F13B: variants seen among roughly 807,000 people sequenced by gnomAD.
The protein encoded by F13B is TGase.
In F13B, 58 loss-of-function variants were observed where a neutral mutation model predicts 79.8. The ratio of observed to expected loss-of-function variants is 0.73; its 90% CI spans 0.59 to 0.90. The LOEUF (loss-of-function observed/expected upper bound fraction) is 0.90. Among genes scored for constraint, F13B ranks in the 40% least tolerant of loss-of-function variants. The pLI is 0.00. For synonymous variants in F13B, 283 were observed against 260.3 expected, an observed-to-expected ratio of 1.09 and a Z score of -0.84; for missense variants, 773 against 777.0, an observed-to-expected ratio of 0.99 and a Z score of 0.06.
Position 197,055,887 on chromosome 1 carries a change from C to G in F13B, c.1182G>C (p.Glu394Asp). 1 of 1,613,230 alleles carries G rather than the reference C, an allele frequency of 6.2e-7. No homozygotes were observed. Among genetic ancestry groups the G allele is most frequent in the Non-Finnish European group, 8.5e-7 (1 of 1,179,516 alleles). Residue 394 changes from glutamate to aspartate, a missense_variant, in exon 8 of 12, where the codon GAG becomes GAC. By Grantham distance (45) the Glu-to-Asp change is conservative. Transcript: ENST00000367412. Reference protein sequence around the residue: ...TLPPECVENNENCKHPPVVMN... With the variant: ...TLPPECVENNDNCKHPPVVMN... ...TTACAACAGGAGGATGCTTACAATT[C>G]TCATTATTTTCTAAGAAAAGAGGTT...
At chr1:197,040,762 A>G in intron 10 of F13B, 27 bp from the exon 11 acceptor site, 1 of 1,545,144 alleles carries the variant, frequency 6.5e-7, no homozygotes, top group Non-Finnish European at 8.9e-7. Flanking sequence ...AAAAAAAAAG[A>G]AAGAAAAAGA....
intron 8 of F13B, 126 bp downstream of exon 8, chr1:197,055,589 A>G: frequency 9.9e-7 from 1 of 1,007,668 alleles, no homozygotes. Flanking sequence ...TTCTACTTAA[A>G]GAAATGAGAG....
intron 8 of F13B, among the ~76,000 whole-genome samples, chr1:197,054,608 G>GA (rs35523548): frequency 4.6e-5 from 7 of 151,632 alleles, no homozygotes; most frequent in African/African-American, 1.7e-4. Flanking sequence ...TTATAAGTAT[G>GA]AAAAAATGGC....
intron 4 of F13B, 84 bp downstream of exon 4, chr1:197,060,815 A>G: frequency 7.8e-7 from 1 of 1,274,284 alleles, no homozygotes; most frequent in South Asian, 1.2e-5. Flanking sequence ...GGTGAAACAT[A>G]ATGAGCATGA....
chr1:197,050,824 A>G lies in F13B; in HGVS notation c.1611T>C (p.Ser537=), dbSNP rs113022833. 3.7e-6 allele frequency: 6 copies of G among 1,613,220 alleles called. No individual in the cohort carries two copies. The African/African-American group carries it at 5.3e-5, about 14-fold the overall frequency. The change falls in exon 10 of 12, where the codon AGT becomes AGC. Residue 537 remains serine, a synonymous_variant. Coordinates refer to ENST00000367412, the MANE Select transcript of F13B (RefSeq NM_001994.3). The part of the protein sequence containing the change: ...PPLIKHGVII[S]STVDTYENGS... ...CATTTTCATAGGTGTCTACTGTTGA[A>G]CTAATAATGACTCCATGTTTAATAA...
intron 9 of F13B, 102 bp downstream of exon 9, chr1:197,052,532 A>T: frequency 1.3e-6 from 1 of 758,936 alleles, no homozygotes; most frequent in Non-Finnish European, 2.1e-6. Flanking sequence ...AATTAAAAAG[A>T]ATAATAATAA....
intron 8 of F13B, among the ~76,000 whole-genome samples, chr1:197,054,423 G>A (rs1484830800): frequency 1.3e-5 from 2 of 151,870 alleles, no homozygotes; most frequent in Non-Finnish European, 2.9e-5. Flanking sequence ...GAATTTGAAT[G>A]GGAATCGACT....
At chr1:197,050,526 T>C (rs1655404672) in intron 10 of F13B, among the ~76,000 whole-genome samples, 171 bp downstream of exon 10, 1 of 152,148 alleles carries the variant, frequency 6.6e-6, no homozygotes, top group African/African-American at 2.4e-5. Context: ...GAACTATAGG[T>C]ATTTATGATC....
At chr1:197,056,240 T>A (rs988144202) in intron 7 of F13B, among the ~76,000 whole-genome samples, 3 of 152,168 alleles carry the variant, frequency 2.0e-5, no homozygotes, top group Non-Finnish European at 4.4e-5. Context: ...TACCCCACTT[T>A]TATTTTCTTC....
At chr1:197,061,675 A>G (rs917475519) in intron 3 of F13B, 109 bp downstream of exon 3, 2 of 910,552 alleles carry the variant, frequency 2.2e-6, no homozygotes, top group Admixed American at 2.3e-5. Context: ...CATTGTAGAC[A>G]TAATGAAAAA....
intron 1 of F13B, among the ~76,000 whole-genome samples, chr1:197,065,886 C>G (rs983690235): frequency 6.6e-6 from 1 of 151,984 alleles, no homozygotes; most frequent in African/African-American, 2.4e-5. Flanking sequence ...TACTTGCATA[C>G]CATGAAATGA....
chr1:197,059,265 TA>T (rs748677070), intron 5 of F13B, among the ~76,000 whole-genome samples: 1 of 152,030 alleles, frequency 6.6e-6, no homozygotes, highest in East Asian at 1.9e-4. Flanking sequence ...AAAATTTGCT[TA>T]AAAAATCTAC....
In F13B at chr1:197,067,170, G is replaced by C. The variant is rs1229003526; in HGVS notation, c.54C>G (p.Leu18=). The C allele has an allele frequency of 2.5e-6, 4 of 1,590,640 alleles. No individual in the cohort carries two copies. The highest frequency in any genetic ancestry group is 2.7e-5 in the African/African-American group (2 of 74,402). The change falls in exon 1 of 12, where the codon CTC becomes CTG. Residue 18 remains leucine, a synonymous_variant. Transcript: ENST00000367412. ...AAGAATTAATTTTACCTTCTGCATAGAGTTCTCCTGAGATTATCAATATGA... is the reference window on the plus strand; with the variant it reads ...AAGAATTAATTTTACCTTCTGCATACAGTTCTCCTGAGATTATCAATATGA... ...FIIILIISGE[L]YAEEKPCGFP...
intron 7 of F13B, among the ~76,000 whole-genome samples, chr1:197,056,538 G>T (rs1255937696): frequency 1.3e-5 from 2 of 152,080 alleles, no homozygotes; most frequent in Non-Finnish European, 2.9e-5. Flanking sequence ...AAGGGCATAA[G>T]GTTCAGAATG....
Position 197,061,800 on chromosome 1 carries a change from G to T in F13B, c.435C>A (p.Thr145=), listed in dbSNP as rs1433199892. Reference sequence around the variant, plus strand: ...TTCTTATACCATGTTCTTTCCTACAGGTTGGTTGAGAAGACCATCCATCAG... The same window carrying T: ...TTCTTATACCATGTTCTTTCCTACATGTTGGTTGAGAAGACCATCCATCAG... The part of the protein sequence containing the change: ...CLSDGWSSQP[T]CRKEHETCLA... The change falls in exon 3 of 12, where the codon ACC becomes ACA. Residue 145 remains threonine (T), a synonymous_variant. Transcript: ENST00000367412. The T allele has an allele frequency of 2.2e-5, 35 of 1,612,972 alleles. No homozygotes were observed. The highest frequency in any genetic ancestry group is 3.0e-5 in the Non-Finnish European group (35 of 1,179,402).
intron 8 of F13B, among the ~76,000 whole-genome samples, chr1:197,054,082 C>A (rs1214048142): frequency 6.6e-6 from 1 of 152,068 alleles, no homozygotes. Context: ...TCAATAGTTA[C>A]CAAGATATAC....
chr1:197,065,706 A>G (rs17549533), intron 1 of F13B, among the ~76,000 whole-genome samples: 261 of 152,292 alleles, frequency 1.7e-3, no homozygotes, highest in African/African-American at 6.1e-3. Context: ...TTACAGAAAG[A>G]TAAGTTGGTT....
chr1:197,057,508 A>G (rs767083969), intron 5 of F13B, 43 bp from the exon 6 acceptor site: 11 of 1,558,696 alleles, frequency 7.1e-6, no homozygotes, highest in South Asian at 3.4e-5. Context: ...ATATAATTAC[A>G]AAAAATAATA....
intron 10 of F13B, among the ~76,000 whole-genome samples, chr1:197,043,888 C>A (rs1209916172): frequency 6.6e-6 from 1 of 151,980 alleles, no homozygotes; most frequent in African/African-American, 2.4e-5. Context: ...CCAAACATTT[C>A]TAAAACCCAT....
Sources: gnomAD v4.1 joint callset for allele counts (sites outside exome capture counted in the v4.1 genomes callset) on GRCh38, gnomAD v4.1.1 for gene constraint, MANE v1.5 for transcripts, NCBI Gene and HGNC (gene_info 2026-07-23, HGNC 2026-07-21) for gene names.